The following DNAH11 variants were observed in gnomAD, a reference collection of about 807,000 sequenced individuals.
The protein encoded by DNAH11 is dynein axonemal heavy chain 11, also known as axonemal beta dynein heavy chain 11.
Under a neutral mutation model 526.0 loss-of-function variants are expected in DNAH11, and 442 were observed. That is an observed-to-expected ratio of 0.84 (90% confidence interval 0.78 to 0.91). The LOEUF (loss-of-function observed/expected upper bound fraction) is 0.91, where lower values mean the gene tolerates loss of function less well. Ranked by LOEUF, DNAH11 falls within the 40% of genes least tolerant of loss-of-function variation. The pLI, the probability that DNAH11 is intolerant of heterozygous loss-of-function variation, is 0.00. For missense variants in DNAH11, 6,989 were observed against 5,448.7 expected, an observed-to-expected ratio of 1.28 and a Z score of -8.90; for synonymous variants, 2,461 against 1,935.9, an observed-to-expected ratio of 1.27 and a Z score of -7.12.
intron 61 of DNAH11, among the ~76,000 whole-genome samples, chr7:21,794,849 G>A (rs1175218751): frequency 6.6e-6 from 1 of 152,192 alleles, no homozygotes; most frequent in Non-Finnish European, 1.5e-5. Context: ...AAAAATGGCT[G>A]TCCACCTCAG....
At chr7:21,795,730 G>GA (rs1788685216) in intron 61 of DNAH11, among the ~76,000 whole-genome samples, 1 of 152,210 alleles carries the variant, frequency 6.6e-6, no homozygotes, top group Non-Finnish European at 1.5e-5. Context: ...TCCCTGCCCT[G>GA]AAAAATCTTA....
chr7:21,818,066 A>G (rs953377226), intron 64 of DNAH11, 151 bp from the exon 65 acceptor site: 24 of 644,286 alleles, frequency 3.7e-5, no homozygotes, highest in Non-Finnish European at 2.8e-5. Context: ...TGTGTAATCT[A>G]GTGGAAGGGA....
At position 21,867,969 on chromosome 7, in the gene DNAH11, C is replaced by T; in HGVS notation, c.11801C>T (p.Ser3934Phe). Residue 3934 changes from serine (S) to phenylalanine (F), a missense_variant, in exon 72 of 82, where the codon TCT (serine) becomes TTT (phenylalanine). By Grantham distance (155) the Ser-to-Phe change is radical (BLOSUM62 -2). Coordinates refer to ENST00000409508, the MANE Select transcript of DNAH11 (RefSeq NM_001277115.2). ...GCCACCCCCATATTCTTCATCCTGT[C>T]TCCGGGGGTAGATGCCCTTAAAGAC... ...SPATPIFFIL[S>F]PGVDALKDLE... 1 of 1,562,948 alleles carries T rather than the reference C, an allele frequency of 6.4e-7. No individual in the cohort carries two copies. The highest frequency in any genetic ancestry group is 8.7e-7 in the Non-Finnish European group (1 of 1,152,512).
Position 21,854,750 on chromosome 7 carries a change from C to T in DNAH11, c.11202+295C>T, listed in dbSNP as rs779358340. On this transcript the variant is annotated intron_variant, in intron 68 of 81. Transcript: ENST00000409508. ...TAGAGACAGGGTTTTGCCACATTGC[C>T]CAGGCTGGTCTCGAACTCCTGACCT... Among the ~76,000 whole-genome samples, 58 of 151,718 alleles carry T rather than the reference C, an allele frequency of 3.8e-4. No individual in the cohort carries two copies. The Middle Eastern group carries it at 0.01, about 27-fold the overall frequency.
rs542566625 is a variant in DNAH11, at chr7:21,815,898, G to A, written c.10333-569G>A. ...CCTCCCCAACCCCTTACTTTGCAAC[G>A]CAATCAAGGCATAGATAATTTCCTC... On this transcript the variant is annotated intron_variant, in intron 63 of 81. Coordinates refer to ENST00000409508, the MANE Select transcript of DNAH11 (RefSeq NM_001277115.2). 4.6e-5 allele frequency among the ~76,000 whole-genome samples: 7 copies of A among 151,708 alleles called. No homozygotes were observed. In the South Asian group the frequency reaches 6.3e-4, roughly 14 times the overall value.
At chr7:21,763,353 A>AAGAAG (rs1554278438) in intron 54 of DNAH11, among the ~76,000 whole-genome samples, 2 of 56,964 alleles carry the variant, frequency 3.5e-5, no homozygotes, top group Admixed American at 4.6e-4. Context: ...AAAAAAAAAA[A>AAGAAG]AAAGAAAAAA....
chr7:21,612,291 C>T (rs1246415543), intron 20 of DNAH11, among the ~76,000 whole-genome samples: 2 of 152,020 alleles, frequency 1.3e-5, no homozygotes, highest in African/African-American at 4.8e-5. Context: ...CATGGTGGCT[C>T]ACGCCTGTAA....
chr7:21,764,712 C>T (rs1295026679), intron 54 of DNAH11, among the ~76,000 whole-genome samples: 1 of 152,214 alleles, frequency 6.6e-6, no homozygotes, highest in Non-Finnish European at 1.5e-5. Flanking sequence ...CACAGCCACC[C>T]TCAGGACTCC....
intron 14 of DNAH11, among the ~76,000 whole-genome samples, chr7:21,598,643 C>T (rs1475360743): frequency 6.6e-6 from 1 of 151,736 alleles, no homozygotes; most frequent in African/African-American, 2.4e-5. Flanking sequence ...TAAACAAGGT[C>T]TGAAAACATG....
At chr7:21,626,690 C>T (rs889242699) in intron 25 of DNAH11, among the ~76,000 whole-genome samples, 3 of 148,590 alleles carry the variant, frequency 2.0e-5, no homozygotes, top group African/African-American at 7.4e-5. Flanking sequence ...TTGCATTTCT[C>T]TTAGGATTAG....
At chr7:21,725,545 A>C (rs1785064319) in intron 44 of DNAH11, among the ~76,000 whole-genome samples, 1 of 152,192 alleles carries the variant, frequency 6.6e-6, no homozygotes, top group South Asian at 2.1e-4. Context: ...CATTGGTAGA[A>C]GTGAACACCA....
At chr7:21,574,762 C>A (rs535673444) in intron 8 of DNAH11, among the ~76,000 whole-genome samples, 1 of 149,658 alleles carries the variant, frequency 6.7e-6, no homozygotes, top group African/African-American at 2.5e-5. Flanking sequence ...GATGGGGTTT[C>A]GCCATGTTGG....
rs146409469 is a variant in DNAH11 at position 21,718,188 on chromosome 7, G to GTTTT, written c.7134+263_7134+264insTTTT. On this transcript the variant is annotated intron_variant, in intron 43 of 81. Transcript: ENST00000409508. ...AAGAAGGTTAGAACCATGTTTTACT[G>GTTTT]ATTTTTTTTTAGTATCCCCAGATAG... Among the ~76,000 whole-genome samples the GTTTT allele has an allele frequency of 0.035, 5,261 of 151,266 alleles. 205 individuals carry two copies. The highest frequency in any genetic ancestry group is 0.13 in the East Asian group (654 of 5,116).
At chr7:21,788,869 T>A (rs1199524948) in intron 60 of DNAH11, among the ~76,000 whole-genome samples, 4 of 152,260 alleles carry the variant, frequency 2.6e-5, no homozygotes, top group African/African-American at 9.6e-5. Flanking sequence ...GGTGTTTGAC[T>A]TATATCGCAT....
intron 62 of DNAH11, among the ~76,000 whole-genome samples, chr7:21,804,537 C>T (rs1789164310): frequency 1.3e-5 from 2 of 152,180 alleles, no homozygotes; most frequent in Admixed American, 1.3e-4. Context: ...TGCAAATCCC[C>T]TCTCTCCATT....
chr7:21,673,637 G>A (rs944811267), intron 30 of DNAH11, among the ~76,000 whole-genome samples: 5 of 152,070 alleles, frequency 3.3e-5, no homozygotes, highest in Middle Eastern at 3.4e-3. Context: ...TCGGTTTCTC[G>A]CTCTTGCTCA....
chr7:21,734,976 C>G (rs529381384), intron 45 of DNAH11, among the ~76,000 whole-genome samples: 1 of 152,072 alleles, frequency 6.6e-6, no homozygotes, highest in Admixed American at 6.6e-5. Flanking sequence ...TCGAGACCAT[C>G]TGGCTAACAA....
At chr7:21,868,073 C>T in intron 72 of DNAH11, 66 bp downstream of exon 72, 1 of 1,325,752 alleles carries the variant, frequency 7.5e-7, no homozygotes, top group Non-Finnish European at 9.8e-7. Context: ...CCACCCCTGC[C>T]CTTCTTTTCA....
chr7:21,785,811 TAC>T (rs1292691755), intron 58 of DNAH11, among the ~76,000 whole-genome samples: 1 of 152,238 alleles, frequency 6.6e-6, no homozygotes, highest in Non-Finnish European at 1.5e-5. Context: ...TGTAATCATA[TAC>T]CAAATAAATA....
Sources: gnomAD v4.1 joint callset for allele counts (sites outside exome capture counted in the v4.1 genomes callset) on GRCh38, gnomAD v4.1.1 for gene constraint, MANE v1.5 for transcripts, NCBI Gene and HGNC (gene_info 2026-07-23, HGNC 2026-07-21) for gene names.